Variants in DNAAF5 observed in about 807,000 individuals in gnomAD.
DNAAF5 encodes the protein HEAT repeat containing 2.
A neutral mutation model predicts 75.8 loss-of-function variants in DNAAF5; 64 were observed. The observed-to-expected ratio is 0.84, with a 90% CI of 0.69 to 1.04. The LOEUF is 1.04. DNAAF5 is among the 50% of genes least tolerant of loss of function. The pLI is 0.00. For synonymous variants in DNAAF5, 657 were observed against 557.2 expected (o/e 1.18, Z -2.52); for missense variants, 1,269 against 1,178.5 (o/e 1.08, Z -1.12).
intron 8 of DNAAF5, among the ~76,000 whole-genome samples, chr7:766,784 C>T (rs990588357): frequency 5.3e-5 from 8 of 151,764 alleles, no homozygotes; most frequent in South Asian, 4.2e-4. Flanking sequence ...CACTCCAGCC[C>T]GGACAACAGA....
At chr7:737,155 G>C (rs909446039) in intron 2 of DNAAF5, among the ~76,000 whole-genome samples, 3 of 151,810 alleles carry the variant, frequency 2.0e-5, no homozygotes, top group African/African-American at 7.3e-5. Flanking sequence ...GAGTGCAATG[G>C]CGCCATCTCA....
At chr7:755,053 G>A (rs867010181) in intron 5 of DNAAF5, among the ~76,000 whole-genome samples, 4 of 152,202 alleles carry the variant, frequency 2.6e-5, no homozygotes. Flanking sequence ...AAGCACACTC[G>A]GGGGTGCAGT....
In DNAAF5 at chr7:727,050, C is replaced by T. The variant is rs1483548001; in HGVS notation, c.330C>T (p.Pro110=). ...LDLGLRRAAR[P]RDALPRLLPA... is the part of the protein sequence containing the mutation. ...TGGGCCTGCGCCGCGCCGCGCGGCC[C>T]CGCGATGCCCTGCCGCGCCTGCTGC... The change falls in exon 1 of 13, where the codon CCC becomes CCT. Residue 110 remains proline, a synonymous_variant. Transcript: ENST00000297440. The T allele has an allele frequency of 1.8e-6, 2 of 1,095,646 alleles. No homozygotes were observed. The highest frequency in any genetic ancestry group is 5.5e-5 in the East Asian group (1 of 18,040). 67.9% of individuals were successfully genotyped at this position (1,095,646 alleles called of 1,614,324 possible).
At chr7:780,186 T>C in intron 12 of DNAAF5, 42 bp downstream of exon 12, 1 of 1,574,310 alleles carries the variant, frequency 6.4e-7, no homozygotes, top group Non-Finnish European at 8.7e-7. Context: ...ATGCCTGCTT[T>C]CGGCGCCTGC....
In DNAAF5 at chr7:727,031, T is replaced by TGCGCC. The variant is rs1376820756; in HGVS notation, c.321_325dup (p.Arg109ProfsTer102). 2.6e-6 allele frequency: 3 copies of TGCGCC among 1,142,378 alleles called. No homozygotes were observed. Among genetic ancestry groups the TGCGCC allele is most frequent in the South Asian group, 4.2e-5 (1 of 24,044 alleles). 70.8% of individuals were successfully genotyped at this position (1,142,378 alleles called of 1,614,324 possible). ...GCAGTGCACCTGCTGGATCTGGGCC[T>TGCGCC]GCGCCGCGCCGCGCGGCCCCGCGAT... On this transcript the variant is annotated frameshift_variant, in exon 1 of 13. Coordinates refer to ENST00000297440, the MANE Select transcript of DNAAF5 (RefSeq NM_017802.4). LOFTEE classifies it high-confidence loss of function.
At chr7:741,144 C>T (rs1278855736) in intron 3 of DNAAF5, among the ~76,000 whole-genome samples, 1 of 152,238 alleles carries the variant, frequency 6.6e-6, no homozygotes, top group Non-Finnish European at 1.5e-5. Context: ...AGTATATCGA[C>T]AGAGATCAGA....
At chr7:760,301 A>G (rs1782607078) in intron 6 of DNAAF5, among the ~76,000 whole-genome samples, 1 of 152,182 alleles carries the variant, frequency 6.6e-6, no homozygotes. Context: ...GAACCAACCC[A>G]TTGTCTAGCC....
intron 8 of DNAAF5, among the ~76,000 whole-genome samples, chr7:767,962 C>CA (rs1377987397): frequency 7.1e-6 from 1 of 140,826 alleles, no homozygotes; most frequent in Non-Finnish European, 1.5e-5. Flanking sequence ...AAGTGTCCGC[C>CA]AGCAGGAGCG....
intron 7 of DNAAF5, among the ~76,000 whole-genome samples, chr7:762,929 C>G (rs1782711024): frequency 6.6e-6 from 1 of 152,172 alleles, no homozygotes; most frequent in Non-Finnish European, 1.5e-5. Context: ...GCCCAAAAAT[C>G]TTTTAACCCC....
chr7:765,980 T>C (rs62432256), intron 8 of DNAAF5, among the ~76,000 whole-genome samples: 126,495 of 152,182 alleles, frequency 0.83, 52,660 homozygotes, highest in South Asian at 0.9. Flanking sequence ...AGGCACCCAC[T>C]ACCACGCCTG....
chr7:767,172 G>A (rs953444732), intron 8 of DNAAF5, among the ~76,000 whole-genome samples: 16 of 151,358 alleles, frequency 1.1e-4, no homozygotes, highest in Non-Finnish European at 2.2e-4. Context: ...CCAGGAGACG[G>A]GGCTTGCAGT....
chr7:738,056 C>G (rs1363849502), intron 2 of DNAAF5, among the ~76,000 whole-genome samples: 1 of 152,144 alleles, frequency 6.6e-6, no homozygotes, highest in African/African-American at 2.4e-5. Context: ...TTAGATTTGC[C>G]CCTTTGAGGC....
intron 12 of DNAAF5, among the ~76,000 whole-genome samples, chr7:783,004 C>G (rs1035385415): frequency 7.2e-5 from 11 of 152,252 alleles, no homozygotes; most frequent in African/African-American, 1.2e-4. Flanking sequence ...TGCGTGGGCA[C>G]CAGGCTCAGA....
chr7:782,898 C>G (rs1021202355), intron 12 of DNAAF5, among the ~76,000 whole-genome samples: 1 of 151,478 alleles, frequency 6.6e-6, no homozygotes, highest in African/African-American at 2.4e-5. Context: ...GTCAGAAACT[C>G]GATCTTCCTG....
At chr7:756,610 G>A (rs1288153813) in intron 5 of DNAAF5, among the ~76,000 whole-genome samples, 172 bp from the exon 6 acceptor site, 2 of 152,134 alleles carry the variant, frequency 1.3e-5, no homozygotes, top group Non-Finnish European at 2.9e-5. Context: ...GACCACACCC[G>A]GACCCTTGTA....
intron 11 of DNAAF5, among the ~76,000 whole-genome samples, chr7:777,213 C>T (rs1778791396): frequency 6.6e-6 from 1 of 152,160 alleles, no homozygotes; most frequent in Non-Finnish European, 1.5e-5. Flanking sequence ...CTGAAACCAT[C>T]TCACCCCCTG....
At chr7:740,720 A>C in intron 2 of DNAAF5, 99 bp from the exon 3 acceptor site, 2 of 1,516,558 alleles carry the variant, frequency 1.3e-6, no homozygotes, top group Non-Finnish European at 1.8e-6. Context: ...CCTCTGCCTC[A>C]GGCAGCGTCC....
Position 726,982 on chromosome 7 carries a change from C to A in DNAAF5, c.262C>A (p.Pro88Thr), listed in dbSNP as rs1158670921. The change falls in exon 1 of 13, where the codon CCC becomes ACC. Residue 88 changes from proline (P) to threonine (T), a missense_variant. Physicochemically the swap from Pro to Thr is conservative, Grantham distance 38. Transcript: ENST00000297440. Reference protein sequence around the residue: ...LPRLLRCLSDPAEGCRALAVH... With the variant: ...LPRLLRCLSDTAEGCRALAVH... ...GCGCTTGCTGCGCTGCCTGAGCGACCCCGCCGAGGGCTGCCGCGCGCTGGC... is the reference window on the plus strand; with the variant it reads ...GCGCTTGCTGCGCTGCCTGAGCGACACCGCCGAGGGCTGCCGCGCGCTGGC... The A allele has an allele frequency of 1.6e-6, 2 of 1,290,182 alleles. No individual in the cohort carries two copies. Among genetic ancestry groups the A allele is most frequent in the East Asian group, 3.6e-5 (1 of 28,160 alleles). 79.9% of individuals were successfully genotyped at this position (1,290,182 alleles called of 1,614,324 possible).
At chr7:728,331 A>T (rs1009423358) in intron 1 of DNAAF5, among the ~76,000 whole-genome samples, 6 of 152,214 alleles carry the variant, frequency 3.9e-5, no homozygotes, top group African/African-American at 1.2e-4. Context: ...TGGCCAGCTC[A>T]GGCCGTCCCA....
Sources: allele counts gnomAD v4.1 joint callset (sites outside exome capture counted in the v4.1 genomes callset), GRCh38; gene constraint gnomAD v4.1.1; transcripts MANE v1.5; gene names NCBI Gene and HGNC (gene_info 2026-07-23, HGNC 2026-07-21).